Variants in GMDS observed in about 807,000 individuals in gnomAD.
GMDS encodes the protein GDP-mannose 4,6 dehydratase.
In GMDS, 20 loss-of-function variants were observed where a neutral mutation model predicts 49.9. That is an observed-to-expected ratio of 0.40 (90% confidence interval 0.28 to 0.58). GMDS has a LOEUF of 0.58. GMDS is among the 20% of genes least tolerant of loss of function. GMDS has a pLI of 0.42. For missense variants in GMDS, 362 were observed against 481.4 expected, an observed-to-expected ratio of 0.75 and a Z score of 2.32; for synonymous variants, 177 against 178.6, an observed-to-expected ratio of 0.99 and a Z score of 0.07.
chr6:1,636,763 C>T (rs376590665), intron 9 of GMDS, among the ~76,000 whole-genome samples: 11 of 152,224 alleles, frequency 7.2e-5, no homozygotes, highest in African/African-American at 2.4e-4. Flanking sequence ...GATTCTTACC[C>T]GTACCAGTGG....
chr6:2,156,796 T>C (rs1328559514), intron 1 of GMDS, among the ~76,000 whole-genome samples: 1 of 152,148 alleles, frequency 6.6e-6, no homozygotes, highest in Non-Finnish European at 1.5e-5. Context: ...AATATACATC[T>C]ATTTTCTTTA....
At chr6:1,694,895 G>C (rs1376708237) in intron 9 of GMDS, among the ~76,000 whole-genome samples, 1 of 152,168 alleles carries the variant, frequency 6.6e-6, no homozygotes, top group Non-Finnish European at 1.5e-5. Context: ...GTAAGACCCA[G>C]AGCCAACCCT....
At chr6:2,203,526 C>G (rs1188914441) in intron 1 of GMDS, among the ~76,000 whole-genome samples, 1 of 152,038 alleles carries the variant, frequency 6.6e-6, no homozygotes, top group African/African-American at 2.4e-5. Context: ...GTACAGTAGG[C>G]CCACTGTGGA....
chr6:1,666,546 G>A (rs1306241009), intron 9 of GMDS, among the ~76,000 whole-genome samples: 1 of 152,144 alleles, frequency 6.6e-6, no homozygotes, highest in Non-Finnish European at 1.5e-5. Flanking sequence ...ATCCAAAGGT[G>A]AAGTTGAGAA....
intron 7 of GMDS, among the ~76,000 whole-genome samples, chr6:1,881,464 G>T (rs1193996646): frequency 6.6e-6 from 1 of 152,158 alleles, no homozygotes; most frequent in African/African-American, 2.4e-5. Flanking sequence ...CTGAATATAG[G>T]TTTAAGGATT....
At chr6:1,726,580 T>C (rs1581513387) in intron 8 of GMDS, 68 bp from the exon 9 acceptor site, 2 of 1,130,582 alleles carry the variant, frequency 1.8e-6, no homozygotes, top group South Asian at 2.5e-5. Context: ...CTGTAGCACC[T>C]TGGGATGCCC....
intron 1 of GMDS, among the ~76,000 whole-genome samples, chr6:2,160,808 T>C (rs1562109172): frequency 6.6e-6 from 1 of 152,088 alleles, no homozygotes; most frequent in Non-Finnish European, 1.5e-5. Context: ...ATTACAGGCA[T>C]GAGCCACGAC....
intron 1 of GMDS, among the ~76,000 whole-genome samples, chr6:2,227,678 G>C (rs756292190): frequency 1.3e-5 from 2 of 152,170 alleles, no homozygotes; most frequent in Non-Finnish European, 2.9e-5. Flanking sequence ...AGGAAGGAGC[G>C]GGCAGGCCAG....
chr6:1,661,423 G>A (rs180739272), intron 9 of GMDS, among the ~76,000 whole-genome samples: 2 of 152,206 alleles, frequency 1.3e-5, no homozygotes, highest in Non-Finnish European at 2.9e-5. Context: ...TAATATAGAC[G>A]ACACCCCTGT....
At chr6:1,948,823 T>C (rs1412574688) in intron 6 of GMDS, among the ~76,000 whole-genome samples, 2 of 152,240 alleles carry the variant, frequency 1.3e-5, no homozygotes, top group Admixed American at 1.3e-4. Context: ...TTGAATGGCT[T>C]TTCCTGTGAT....
chr6:1,728,749 A>T (rs1426703367), intron 8 of GMDS, among the ~76,000 whole-genome samples: 2 of 152,166 alleles, frequency 1.3e-5, no homozygotes, highest in Admixed American at 6.5e-5. Context: ...GGGGTCTGTA[A>T]ACTGTTTCTG....
chr6:2,206,475 G>A (rs908638872), intron 1 of GMDS, among the ~76,000 whole-genome samples: 7 of 152,098 alleles, frequency 4.6e-5, no homozygotes, highest in Non-Finnish European at 1.0e-4. Flanking sequence ...TGCATCTTTT[G>A]ATGTATTCAT....
At chr6:1,914,861 T>TGAGTGAGG in intron 7 of GMDS, among the ~76,000 whole-genome samples, 1 of 152,244 alleles carries the variant, frequency 6.6e-6, no homozygotes, top group East Asian at 1.9e-4. Flanking sequence ...ACAGCTCTGA[T>TGAGTGAGG]GAGTGAGGTG....
At chr6:2,110,874 G>A (rs1365640878) in intron 4 of GMDS, among the ~76,000 whole-genome samples, 2 of 152,156 alleles carry the variant, frequency 1.3e-5, no homozygotes, top group African/African-American at 2.4e-5. Context: ...GGTTTGTAAC[G>A]CTGAGAAAGA....
At chr6:1,951,916 C>T (rs1481473471) in intron 6 of GMDS, 1 of 985,110 alleles carries the variant, frequency 1.0e-6, no homozygotes, top group Non-Finnish European at 1.2e-6. Context: ...CCAACTTGTC[C>T]ACTTGCTTCA....
chr6:2,018,226 A>C (rs13437445), intron 4 of GMDS, among the ~76,000 whole-genome samples: 3,581 of 152,342 alleles, frequency 0.024, 137 homozygotes, highest in African/African-American at 0.08. Flanking sequence ...TGATTATAGA[A>C]TAGAATTACG....
At chr6:2,097,420 C>T (rs9503096) in intron 4 of GMDS, among the ~76,000 whole-genome samples, 45,931 of 151,934 alleles carry the variant, frequency 0.3, 7,414 homozygotes, top group Non-Finnish European at 0.36. Flanking sequence ...AAAGAGGGTG[C>T]AGCTTAAGTA....
chr6:1,889,348 GC>G (rs1759766676), intron 7 of GMDS, among the ~76,000 whole-genome samples: 1 of 152,006 alleles, frequency 6.6e-6, no homozygotes, highest in Admixed American at 6.6e-5. Flanking sequence ...GTTATTCTGT[GC>G]CATCCTGGTT....
chr6:1,715,574 C>T (rs2113406674), intron 9 of GMDS, among the ~76,000 whole-genome samples: 1 of 152,220 alleles, frequency 6.6e-6, no homozygotes, highest in East Asian at 1.9e-4. Flanking sequence ...GGAGCTGACA[C>T]TTGTGCAGGG....
Sources: gnomAD v4.1 joint callset for allele counts (sites outside exome capture counted in the v4.1 genomes callset) on GRCh38, gnomAD v4.1.1 for gene constraint, MANE v1.5 for transcripts, NCBI Gene and HGNC (gene_info 2026-07-23, HGNC 2026-07-21) for gene names.